MYH15: variants seen among roughly 807,000 people sequenced by gnomAD.
MYH15 encodes myosin-15.
Under a neutral mutation model 240.5 loss-of-function variants are expected in MYH15, and 227 were observed. The ratio of observed to expected loss-of-function variants is 0.94; its 90% CI spans 0.85 to 1.05. The LOEUF (loss-of-function observed/expected upper bound fraction) is 1.05, where lower values mean the gene tolerates loss of function less well. Among genes scored for constraint, MYH15 ranks in the 50% least tolerant of loss-of-function variants. The pLI, the probability that MYH15 is intolerant of heterozygous loss-of-function variation, is 0.00. For synonymous variants in MYH15, 785 were observed against 796.7 expected, an observed-to-expected ratio of 0.99 and a Z score of 0.25; for missense variants, 2,217 against 2,247.5, an observed-to-expected ratio of 0.99 and a Z score of 0.27.
At chr3:108,398,130 G>C (rs1057390237) in intron 35 of MYH15, among the ~76,000 whole-genome samples, 6 of 152,188 alleles carry the variant, frequency 3.9e-5, no homozygotes, top group Admixed American at 3.9e-4. Flanking sequence ...GAGGCCATTA[G>C]GGTGGACCTT....
intron 2 of MYH15, among the ~76,000 whole-genome samples, chr3:108,502,404 CTA>C (rs1425649542): frequency 6.6e-6 from 1 of 152,018 alleles, no homozygotes; most frequent in Non-Finnish European, 1.5e-5. Context: ...TAATAATTGA[CTA>C]TGTTAGACTA....
rs2082341145 is a variant in MYH15 at position 108,381,264 on chromosome 3, C to T, written c.*281G>A. The T allele has an allele frequency of 1.2e-5, 6 of 500,464 alleles. 1 individual carries two copies. In the South Asian group the frequency reaches 1.5e-4, roughly 12 times the overall value. The allele number at this position is 500,464 out of a possible 1,614,324, so 31.0% of individuals were successfully genotyped here. A position where few individuals can be genotyped will look rare whatever the true frequency, so the allele number is the denominator to read the frequency against. On this transcript the variant is annotated 3_prime_UTR_variant, in exon 41 of 41. Coordinates refer to ENST00000693548, the MANE Select transcript of MYH15 (RefSeq NM_014981.3). Reference sequence around the variant, plus strand: ...ATGGACAAAGGATCAAGTATTTATTCATTTTTTAAACATCAGAATTGAAAA... The same window carrying T: ...ATGGACAAAGGATCAAGTATTTATTTATTTTTTAAACATCAGAATTGAAAA...
intron 20 of MYH15, among the ~76,000 whole-genome samples, chr3:108,455,532 T>G (rs1317204438): frequency 6.6e-6 from 1 of 152,192 alleles, no homozygotes; most frequent in African/African-American, 2.4e-5. Flanking sequence ...AAAATGTAAA[T>G]GTAGTCAAAA....
chr3:108,455,321 A>G (rs1316604956), intron 20 of MYH15, among the ~76,000 whole-genome samples: 1 of 152,196 alleles, frequency 6.6e-6, no homozygotes, highest in Non-Finnish European at 1.5e-5. Flanking sequence ...AAAGTTTTAA[A>G]TTACTCAGAA....
chr3:108,494,412 A>C, intron 7 of MYH15, among the ~76,000 whole-genome samples: 1 of 150,356 alleles, frequency 6.7e-6, no homozygotes, highest in South Asian at 2.1e-4. Flanking sequence ...CTTTCCTTCC[A>C]TTTATCCATC....
intron 33 of MYH15, among the ~76,000 whole-genome samples, chr3:108,402,942 TCTC>T (rs1182978121): frequency 1.3e-5 from 2 of 152,178 alleles, no homozygotes; most frequent in African/African-American, 2.4e-5. Flanking sequence ...CAGCTCTTCT[TCTC>T]CTTCCATCAG....
chr3:108,477,311 T>G (rs1419586312), intron 11 of MYH15, among the ~76,000 whole-genome samples: 1 of 152,140 alleles, frequency 6.6e-6, no homozygotes, highest in Non-Finnish European at 1.5e-5. Flanking sequence ...TGCCACAGGC[T>G]GAGGAGAAGC....
At chr3:108,388,679 G>A (rs1250556390) in intron 38 of MYH15, among the ~76,000 whole-genome samples, 2 of 152,176 alleles carry the variant, frequency 1.3e-5, no homozygotes, top group African/African-American at 4.8e-5. Flanking sequence ...GCATCTTTAT[G>A]AAAGCACTGC....
At chr3:108,444,616 A>C in intron 22 of MYH15, 24 bp downstream of exon 22, 1 of 1,607,476 alleles carries the variant, frequency 6.2e-7, no homozygotes, top group Non-Finnish European at 8.5e-7. Context: ...CTTGATTTAA[A>C]GAACAAATGG....
the MYH15 span, among the ~76,000 whole-genome samples, chr3:108,542,905 G>T: frequency 1.4e-5 from 2 of 145,822 alleles, no homozygotes; most frequent in African/African-American, 5.1e-5. Context: ...TTTTGAGATG[G>T]AGTCTTGCTC....
chr3:108,481,282 G>A (rs750099957), intron 11 of MYH15, among the ~76,000 whole-genome samples: 146 of 152,296 alleles, frequency 9.6e-4, no homozygotes, highest in African/African-American at 8.4e-4. Flanking sequence ...CATTCACAGT[G>A]ATTGTCTCTG....
At chr3:108,518,869 C>T (rs2107264540) in intron 1 of MYH15, among the ~76,000 whole-genome samples, 1 of 152,166 alleles carries the variant, frequency 6.6e-6, no homozygotes, top group South Asian at 2.1e-4. Context: ...TAATTTTCAT[C>T]CTATTTTATT....
chr3:108,526,495 A>C (rs1171114239), intron 1 of MYH15, among the ~76,000 whole-genome samples: 1 of 152,146 alleles, frequency 6.6e-6, no homozygotes, highest in Admixed American at 6.6e-5. Flanking sequence ...CCTGACACAG[A>C]ATGAGCACTG....
At chr3:108,385,060 G>T (rs1425637312) in intron 38 of MYH15, among the ~76,000 whole-genome samples, 2 of 152,126 alleles carry the variant, frequency 1.3e-5, no homozygotes, top group Non-Finnish European at 1.5e-5. Context: ...GCTCAACCAA[G>T]CTATATCTGC....
intron 32 of MYH15, 27 bp downstream of exon 32, chr3:108,408,253 A>ATC: frequency 6.3e-7 from 1 of 1,595,856 alleles, no homozygotes; most frequent in Non-Finnish European, 8.5e-7. Context: ...CACAGTGAAA[A>ATC]CTTTCTTTTC....
Position 108,408,156 on chromosome 3 carries a change from G to T in MYH15, c.4620+124C>A, listed in dbSNP as rs2082560127. 4 of 1,080,710 alleles carry T rather than the reference G, an allele frequency of 3.7e-6. No individual in the cohort carries two copies. In the Admixed American group the frequency reaches 1.0e-4, roughly 28 times the overall value. 66.9% of individuals were successfully genotyped at this position (1,080,710 alleles called of 1,614,324 possible). A position where few individuals can be genotyped will look rare whatever the true frequency, so the allele number is the denominator to read the frequency against. ...ATATTAAAATTATGCATTTGGCAGA[G>T]TGCCTAGCATATAGTAAATAAACAT... is the stretch of plus-strand genomic sequence containing the variant. On this transcript the variant is annotated intron_variant, in intron 32 of 40. Transcript: ENST00000693548.
chr3:108,405,987 C>G (rs7634102), intron 32 of MYH15, among the ~76,000 whole-genome samples: 6,749 of 151,928 alleles, frequency 0.044, 489 homozygotes, highest in African/African-American at 0.15. Context: ...ACATGTAACA[C>G]TCAGTGTGAG....
chr3:108,501,668 G>C, intron 3 of MYH15, 44 bp downstream of exon 3: 1 of 1,610,660 alleles, frequency 6.2e-7, no homozygotes, highest in Non-Finnish European at 8.5e-7. Flanking sequence ...GACATGCAAT[G>C]TGACTGCCAA....
At chr3:108,458,014 C>T (rs931051609) in intron 18 of MYH15, among the ~76,000 whole-genome samples, 1 of 152,100 alleles carries the variant, frequency 6.6e-6, no homozygotes, top group African/African-American at 2.4e-5. Context: ...AGCCACTGCA[C>T]TCTAGTCTCA....
Sources: allele counts gnomAD v4.1 joint callset (sites outside exome capture counted in the v4.1 genomes callset), GRCh38; gene constraint gnomAD v4.1.1; transcripts MANE v1.5; gene names NCBI Gene and HGNC (gene_info 2026-07-23, HGNC 2026-07-21).